The following BOD1L1 variants were observed in gnomAD, a reference collection of about 807,000 sequenced individuals.
BOD1L1 encodes the protein biorientation of chromosomes in cell division protein 1-like 1.
BOD1L1 carries 86 observed loss-of-function variants against 240.7 expected under a neutral mutation model. That is an observed-to-expected ratio of 0.36 (90% CI 0.30 to 0.43). The LOEUF (loss-of-function observed/expected upper bound fraction) is 0.43. Ranked by LOEUF, BOD1L1 falls within the 20% of genes least tolerant of loss-of-function variation. The pLI is 1.00. For missense variants in BOD1L1, 3,554 were observed against 3,643.5 expected (o/e 0.98, Z 0.63); for synonymous variants, 1,268 against 1,272.3 (o/e 1.00, Z 0.07).
At chr4:13,620,157 A>T in intron 1 of BOD1L1, 90 bp from the exon 2 acceptor site, 1 of 1,309,424 alleles carries the variant, frequency 7.6e-7, no homozygotes, top group East Asian at 2.6e-5. Context: ...GGGACAACAA[A>T]GTTTCACAGT....
chr4:13,611,141 T>C, intron 5 of BOD1L1, 41 bp from the exon 6 acceptor site: 1 of 1,443,350 alleles, frequency 6.9e-7, no homozygotes, highest in Non-Finnish European at 9.5e-7. Context: ...GTCTGTGAAT[T>C]AGCATAAAAT....
At position 13,602,704 on chromosome 4, in the gene BOD1L1, T is replaced by G. The variant is rs1195009394; in HGVS notation, c.4196A>C (p.Asn1399Thr). ...KLTGVIVENE[N>T]ITKEGGLVDM... ...CACTAAGCCACCTTCTTTGGTAATATTCTCATTTTCCACAATCACGCCCGT... is the reference window on the plus strand; with the variant it reads ...CACTAAGCCACCTTCTTTGGTAATAGTCTCATTTTCCACAATCACGCCCGT... The change falls in exon 10 of 26, where the codon AAT becomes ACT. Residue 1399 changes from asparagine (N) to threonine (T), a missense_variant. Asn to Thr is a moderately conservative substitution (Grantham distance 65, BLOSUM62 0). Around this residue, in one of 2 missense-constraint regions of BOD1L1, gnomAD observed 3,393 missense variants for 3,427.1 expected, o/e 0.99. Coordinates refer to ENST00000040738, the MANE Select transcript of BOD1L1 (RefSeq NM_148894.3). 1 of 1,613,954 alleles carries G rather than the reference T, an allele frequency of 6.2e-7. No homozygotes were observed. The highest frequency in any genetic ancestry group is 1.3e-5 in the African/African-American group (1 of 74,942).
intron 9 of BOD1L1, 102 bp from the exon 10 acceptor site, chr4:13,605,186 T>C (rs1206754434): frequency 8.2e-6 from 8 of 981,214 alleles, no homozygotes; most frequent in Non-Finnish European, 1.1e-5. Flanking sequence ...CTGTCACATA[T>C]GTAACATCTC....
chr4:13,601,574 C>T lies in BOD1L1; in HGVS notation c.5326G>A (p.Glu1776Lys). 6.2e-7 allele frequency: 1 copy of T among 1,614,034 alleles called. No homozygotes were observed. The highest frequency in any genetic ancestry group is 8.5e-7 in the Non-Finnish European group (1 of 1,179,898). The change falls in exon 10 of 26, where the codon GAA becomes AAA. Residue 1776 changes from glutamate to lysine, a missense_variant. By Grantham distance (56) the Glu-to-Lys change is moderately conservative. Transcript: ENST00000040738. ...CCATCATTCACAGAACCATCTCCTT[C>T]TTGGCTGGCACTTGTTCCTGGTGGT... ...DAPPGTSASQ[E>K]GDGSVNDGTE...
At chr4:13,572,712 G>A (rs910583689) in intron 25 of BOD1L1, 26 of 1,289,646 alleles carry the variant, frequency 2.0e-5, no homozygotes, top group Non-Finnish European at 2.6e-5. Context: ...CTTCCTAATG[G>A]GGGAGAGTTA....
chr4:13,626,627 G>T (rs953530379), intron 1 of BOD1L1, among the ~76,000 whole-genome samples: 6 of 152,110 alleles, frequency 3.9e-5, no homozygotes, highest in African/African-American at 1.4e-4. Flanking sequence ...TTTCTGGACA[G>T]GGAACCTTGT....
rs1455015239 is a variant in BOD1L1 at position 13,587,780 on chromosome 4, A to T, written c.8281-9T>A. 1.3e-6 allele frequency: 2 copies of T among 1,531,358 alleles called. No homozygotes were observed. The highest frequency in any genetic ancestry group is 1.8e-6 in the Non-Finnish European group (2 of 1,127,042). The allele number at this position is 1,531,358 out of a possible 1,614,324, so 94.9% of individuals were successfully genotyped here. On this transcript the variant is annotated splice_polypyrimidine_tract_variant and intron_variant, in intron 15 of 25. Transcript: ENST00000040738. ...CTTTCTTCCTCTTCAACCTGGAATTAAGAATGACTATATCAAAGGCCATAG... is the reference window on the plus strand; with the variant it reads ...CTTTCTTCCTCTTCAACCTGGAATTTAGAATGACTATATCAAAGGCCATAG...
At chr4:13,616,372 C>A (rs762499314) in intron 2 of BOD1L1, among the ~76,000 whole-genome samples, 1 of 152,144 alleles carries the variant, frequency 6.6e-6, no homozygotes, top group Non-Finnish European at 1.5e-5. Flanking sequence ...TTCATTTCTA[C>A]AGAAGAGAAG....
chr4:13,577,121 T>C (rs1712819274), intron 24 of BOD1L1, 130 bp from the exon 25 acceptor site: 2 of 1,148,416 alleles, frequency 1.7e-6, no homozygotes, highest in East Asian at 5.0e-5. Flanking sequence ...CACTTCCTTT[T>C]TGTTTCAGCA....
intron 11 of BOD1L1, among the ~76,000 whole-genome samples, chr4:13,596,810 A>G (rs925198646): frequency 2.0e-5 from 3 of 152,176 alleles, no homozygotes; most frequent in Admixed American, 6.5e-5. Flanking sequence ...GACTCATGTT[A>G]TATTTTGGAA....
chr4:13,618,443 A>G (rs769707144), intron 2 of BOD1L1, among the ~76,000 whole-genome samples: 11 of 152,202 alleles, frequency 7.2e-5, no homozygotes, highest in Admixed American at 3.3e-4. Context: ...TCTCTTTGAA[A>G]GCCTTTGTGG....
intron 9 of BOD1L1, among the ~76,000 whole-genome samples, chr4:13,605,608 C>T (rs766832393): frequency 1.1e-4 from 17 of 152,072 alleles, no homozygotes; most frequent in Non-Finnish European, 2.1e-4. Flanking sequence ...CTCACTAATG[C>T]CCAGTACTCA....
In BOD1L1 at chr4:13,600,418, G is replaced by C. The variant is rs1560198536; in HGVS notation, c.6482C>G (p.Thr2161Ser). 3.1e-6 allele frequency: 5 copies of C among 1,613,814 alleles called. No homozygotes were observed. The African/African-American group carries it at 6.7e-5, about 22-fold the overall frequency. Residue 2161 changes from threonine to serine, a missense_variant, in exon 10 of 26, where the codon ACC becomes AGC. By Grantham distance (58) the Thr-to-Ser change is moderately conservative. Transcript: ENST00000040738. Reference sequence around the variant, plus strand: ...CTGAAGACTTTCAGCACACTTGATGGTTGTTGCACTGGAGATAGGCAATTC... The same window carrying C: ...CTGAAGACTTTCAGCACACTTGATGCTTGTTGCACTGGAGATAGGCAATTC... ...EFELPISSATTIKCAESLQPV... is the reference protein window; with the variant it reads ...EFELPISSATSIKCAESLQPV...
At position 13,602,944 on chromosome 4, in the gene BOD1L1, G is replaced by A. The variant is rs768813293; in HGVS notation, c.3956C>T (p.Pro1319Leu). The A allele has an allele frequency of 3.7e-6, 6 of 1,613,884 alleles. No homozygotes were observed. In the Middle Eastern group the frequency reaches 6.6e-4, roughly 177 times the overall value. ...GTTAGGGAGAGCAGAGTGATCCGCA[G>A]GGGAGGTGCTGGCTGTGCTACCTTC... ...VLEGSTASTS[P>L]ADHSALPNQS... The change falls in exon 10 of 26, where the codon CCT becomes CTT. Residue 1319 changes from proline to leucine, a missense_variant. Pro to Leu is a moderately conservative substitution (Grantham distance 98). Coordinates refer to ENST00000040738, the MANE Select transcript of BOD1L1 (RefSeq NM_148894.3).
chr4:13,597,101 T>C lies in BOD1L1; in HGVS notation c.8019+3A>G, dbSNP rs372707072. 6.3e-7 allele frequency: 1 copy of C among 1,583,620 alleles called. No individual in the cohort carries two copies. The highest frequency in any genetic ancestry group is 8.6e-7 in the Non-Finnish European group (1 of 1,162,660). ...TTCAGCACAGCTGAATTATAAGCCA[T>C]ACCTCCATTTTCAAGTTGGCTTTCA... On this transcript the variant is annotated splice_donor_region_variant and intron_variant, in intron 11 of 25. Coordinates refer to ENST00000040738, the MANE Select transcript of BOD1L1 (RefSeq NM_148894.3).
intron 25 of BOD1L1, among the ~76,000 whole-genome samples, chr4:13,576,375 G>A: frequency 6.6e-6 from 1 of 152,094 alleles, no homozygotes; most frequent in East Asian, 1.9e-4. Context: ...CTCAAAAATG[G>A]TCAAATTTGG....
In BOD1L1 at chr4:13,604,540, G is replaced by A; in HGVS notation, c.2360C>T (p.Thr787Ile). 1 of 1,540,868 alleles carries A rather than the reference G, an allele frequency of 6.5e-7. No homozygotes were observed. The highest frequency in any genetic ancestry group is 8.7e-7 in the Non-Finnish European group (1 of 1,152,444). The change falls in exon 10 of 26, where the codon ACC becomes ATC. Residue 787 changes from threonine to isoleucine, a missense_variant. By Grantham distance (89) the Thr-to-Ile change is moderately conservative. Around this residue, in one of 2 missense-constraint regions of BOD1L1, gnomAD observed 3,393 missense variants for 3,427.1 expected, o/e 0.99. Transcript: ENST00000040738. ...QQTKLSSDDKTERKSKHRNER... is the reference protein window; with the variant it reads ...QQTKLSSDDKIERKSKHRNER... Reference sequence around the variant, plus strand: ...ATTCCTATGTTTACTTTTTCGTTCGGTTTTATCATCTGAAGAAAGCTTTGT... The same window carrying A: ...ATTCCTATGTTTACTTTTTCGTTCGATTTTATCATCTGAAGAAAGCTTTGT...
At chr4:13,608,149 A>G (rs1715862376) in intron 8 of BOD1L1, among the ~76,000 whole-genome samples, 1 of 152,158 alleles carries the variant, frequency 6.6e-6, no homozygotes, top group South Asian at 2.1e-4. Context: ...GCATGGAAAG[A>G]CTGGAAATAA....
At chr4:13,597,378 T>C (rs1015989512) in intron 10 of BOD1L1, among the ~76,000 whole-genome samples, 1 of 152,196 alleles carries the variant, frequency 6.6e-6, no homozygotes, top group Non-Finnish European at 1.5e-5. Flanking sequence ...TTTGGGTGAG[T>C]GAAATTCTTA....
Sources: allele counts gnomAD v4.1 joint callset (sites outside exome capture counted in the v4.1 genomes callset), GRCh38; gene constraint gnomAD v4.1.1; regional missense constraint gnomAD v4.1.1; transcripts MANE v1.5; gene names NCBI Gene and HGNC (gene_info 2026-07-23, HGNC 2026-07-21).